Variants in CUBN observed in about 807,000 individuals in gnomAD.
The protein encoded by CUBN is 460 kDa receptor.
In CUBN, 282 loss-of-function variants were observed where a neutral mutation model predicts 405.3. That is an observed-to-expected ratio of 0.70 (90% CI 0.63 to 0.77). The LOEUF (loss-of-function observed/expected upper bound fraction) is 0.77, where lower values mean the gene tolerates loss of function less well. Ranked by LOEUF, CUBN falls within the 30% of genes least tolerant of loss-of-function variation. The pLI is 0.00. For missense variants in CUBN, 4,514 were observed against 4,475.2 expected, an observed-to-expected ratio of 1.01 and a Z score of -0.25; for synonymous variants, 1,684 against 1,617.0, an observed-to-expected ratio of 1.04 and a Z score of -0.99.
intron 28 of CUBN, among the ~76,000 whole-genome samples, chr10:16,996,817 C>T (rs1355639243): frequency 6.6e-6 from 1 of 152,158 alleles, no homozygotes; most frequent in Non-Finnish European, 1.5e-5. Flanking sequence ...TTGAAATACA[C>T]ATGGCTAAAG....
At chr10:16,859,073 T>C (rs1839943296) in intron 59 of CUBN, among the ~76,000 whole-genome samples, 1 of 152,212 alleles carries the variant, frequency 6.6e-6, no homozygotes, top group Admixed American at 6.5e-5. Context: ...CAAAGAATTC[T>C]TAGACTTGGT....
Position 17,084,403 on chromosome 10 carries a change from C to T in CUBN, c.2169G>A (p.Glu723=). Residue 723 remains glutamate (E), a synonymous_variant, in exon 17 of 67, where the codon GAG becomes GAA. Coordinates refer to ENST00000377833, the MANE Select transcript of CUBN (RefSeq NM_001081.4). The part of the protein sequence containing the change: ...TDPEGELFLP[E]LSGPFTHTRQ... ...TGGTGTGAGTGAAAGGCCCAGACAA[C>T]TCAGGCAAGAAGAGTTCACCCTCTG... 6.2e-7 allele frequency: 1 copy of T among 1,614,100 alleles called. No individual in the cohort carries two copies. Among genetic ancestry groups the T allele is most frequent in the South Asian group, 1.1e-5 (1 of 91,074 alleles).
chr10:16,912,918 G>A (rs1017273123), intron 48 of CUBN, among the ~76,000 whole-genome samples: 5 of 152,220 alleles, frequency 3.3e-5, no homozygotes, highest in African/African-American at 1.2e-4. Context: ...ATGCTGCTGT[G>A]TTGAGAACGT....
chr10:16,883,905 A>G (rs117901575), intron 56 of CUBN, among the ~76,000 whole-genome samples: 3,825 of 152,298 alleles, frequency 0.025, 67 homozygotes, highest in Non-Finnish European at 0.04. Context: ...TTAAATTGAG[A>G]ATTTCTAAAT....
Position 16,928,295 on chromosome 10 carries a change from T to G in CUBN, c.6133A>C (p.Asn2045His), listed in dbSNP as rs188111808. Reference protein sequence around the residue: ...DSLVIRDGDNNLAQQLAVLCG... With the variant: ...DSLVIRDGDNHLAQQLAVLCG... ...AGAACTGCTAGCTGCTGGGCCAAGTTATTATCTCCTACGTTGAAAGAAAGG... is the reference window on the plus strand; with the variant it reads ...AGAACTGCTAGCTGCTGGGCCAAGTGATTATCTCCTACGTTGAAAGAAAGG... The change falls in exon 41 of 67, where the codon AAC becomes CAC. Residue 2045 changes from asparagine (N) to histidine (H), a missense_variant. Transcript: ENST00000377833. 1.2e-6 allele frequency: 2 copies of G among 1,613,870 alleles called. No individual in the cohort carries two copies.
rs964811105 is a variant in CUBN, at chr10:17,094,619, T to A, written c.1765+5386A>T. Among the ~76,000 whole-genome samples, 3 of 152,038 alleles carry A rather than the reference T, an allele frequency of 2.0e-5. No homozygotes were observed. The South Asian group carries it at 6.2e-4, about 31-fold the overall frequency. ...GCATTTCTATACATTAACAACTAAC[T>A]GTACAAAAAGGAAATTAAGAAGAAA... On this transcript the variant is annotated intron_variant, in intron 14 of 66. Coordinates refer to ENST00000377833, the MANE Select transcript of CUBN (RefSeq NM_001081.4).
chr10:17,095,949 T>C (rs927460254), intron 14 of CUBN, among the ~76,000 whole-genome samples: 1 of 152,120 alleles, frequency 6.6e-6, no homozygotes, highest in Non-Finnish European at 1.5e-5. Flanking sequence ...GGATATTATT[T>C]ATCCTTAAAA....
intron 59 of CUBN, among the ~76,000 whole-genome samples, chr10:16,861,319 G>A (rs1291574565): frequency 6.6e-6 from 1 of 152,008 alleles, no homozygotes; most frequent in African/African-American, 2.4e-5. Context: ...GTGCCACCAA[G>A]CCTAGCTAAT....
At chr10:17,050,554 C>T (rs1320812912) in intron 22 of CUBN, among the ~76,000 whole-genome samples, 1 of 152,132 alleles carries the variant, frequency 6.6e-6, no homozygotes, top group Non-Finnish European at 1.5e-5. Context: ...CTTAGCTAAG[C>T]CTGGGCTGAG....
intron 43 of CUBN, among the ~76,000 whole-genome samples, chr10:16,922,744 T>C (rs1453680577): frequency 2.6e-5 from 4 of 152,184 alleles, no homozygotes; most frequent in African/African-American, 9.6e-5. Context: ...GCAAATCTCT[T>C]CATCCACTTC....
Position 17,110,931 on chromosome 10 carries a change from C to A in CUBN, c.1003G>T (p.Ala335Ser), listed in dbSNP as rs57335729. 6.2e-7 allele frequency: 1 copy of A among 1,614,190 alleles called. No individual in the cohort carries two copies. The change falls in exon 9 of 67, where the codon GCC becomes TCC. Residue 335 changes from alanine (A) to serine (S), a missense_variant. Around this residue, in one of 5 missense-constraint regions of CUBN, gnomAD observed 1,448 missense variants for 1,388.0 expected, o/e 1.04. Transcript: ENST00000377833. The part of the protein sequence containing the change: ...VNTPGSSHCQ[A>S]CPPGYQGDGR... ...ACCGAGGCAGCACCTGGTGGACAGG[C>A]CTGGCAGTGGGAAGACCCAGGTGTA...
intron 27 of CUBN, among the ~76,000 whole-genome samples, chr10:17,032,786 T>C (rs1564488320): frequency 6.6e-6 from 1 of 152,180 alleles, no homozygotes; most frequent in Non-Finnish European, 1.5e-5. Context: ...CCAATAGATG[T>C]TCATTAATCA....
At chr10:17,126,307 T>C (rs138895467) in intron 4 of CUBN, among the ~76,000 whole-genome samples, 1,590 of 152,338 alleles carry the variant, frequency 0.01, 14 homozygotes, top group Non-Finnish European at 0.016. Context: ...TGTAAGAAAC[T>C]GTTCAAGTTT....
In CUBN at chr10:17,123,598, G is replaced by T. The variant is rs757543454; in HGVS notation, c.479C>A (p.Pro160Gln). ...GAGTAGATGACTCACCTTCCACTGT[G>T]GGGGACAGATACAAAAAAAGGAATC... ...LHDSFFCICP[P>Q]QWKGPLCSAD... Residue 160 changes from proline to glutamine, a missense_variant, in exon 5 of 67, where the codon CCA (proline) becomes CAA (glutamine). This residue lies in a region of CUBN where 1,448 missense variants were observed against 1,388.0 expected (regional missense o/e 1.04). Coordinates refer to ENST00000377833, the MANE Select transcript of CUBN (RefSeq NM_001081.4). The T allele has an allele frequency of 3.1e-6, 5 of 1,612,518 alleles. No individual in the cohort carries two copies. In the African/African-American group the frequency reaches 4.0e-5, roughly 13 times the overall value.
intron 15 of CUBN, among the ~76,000 whole-genome samples, chr10:17,087,494 T>TTTTTTTTA (rs1836146346): frequency 6.9e-6 from 1 of 144,902 alleles, no homozygotes; most frequent in Non-Finnish European, 1.5e-5. Flanking sequence ...TTTTTTTTTT[T>TTTTTTTTA]AGACAGAGCC....
At chr10:17,115,115 G>T (rs77338790) in intron 7 of CUBN, among the ~76,000 whole-genome samples, 10,154 of 151,976 alleles carry the variant, frequency 0.067, 533 homozygotes, top group East Asian at 0.22. Context: ...ATGTTGGCAT[G>T]CTCCTGTAAT....
At chr10:17,060,987 T>G (rs1463422444) in intron 22 of CUBN, among the ~76,000 whole-genome samples, 1 of 152,134 alleles carries the variant, frequency 6.6e-6, no homozygotes, top group Admixed American at 6.5e-5. Flanking sequence ...AGGCAGAGGT[T>G]GCAGTGAGCT....
chr10:16,900,536 G>T, intron 53 of CUBN, 89 bp downstream of exon 53: 3 of 1,032,370 alleles, frequency 2.9e-6, no homozygotes, highest in Non-Finnish European at 4.6e-6. Context: ...AACTAAGCCT[G>T]ATGTAAAGTA....
At position 16,990,376 on chromosome 10, in the gene CUBN, G is replaced by A. The variant is rs762677124; in HGVS notation, c.4308C>T (p.Phe1436=). 1.2e-5 allele frequency: 19 copies of A among 1,613,946 alleles called. No individual in the cohort carries two copies. Among genetic ancestry groups the A allele is most frequent in the African/African-American group, 2.7e-5 (2 of 74,868 alleles). Residue 1436 remains phenylalanine, a synonymous_variant, in exon 29 of 67, where the codon TTC becomes TTT. Transcript: ENST00000377833. ...GSSIQLTIHD[F]DVEYHSRCNF... is the part of the protein sequence containing the mutation. ...TGCACCTTGAATGATACTCCACATC[G>A]AAGTCATGGATGGTGAGCTGAATGC... is the stretch of plus-strand genomic sequence containing the variant.
Sources: gnomAD v4.1 joint callset for allele counts (sites outside exome capture counted in the v4.1 genomes callset) on GRCh38, gnomAD v4.1.1 for gene constraint, gnomAD v4.1.1 regional missense constraint, MANE v1.5 for transcripts, NCBI Gene and HGNC (gene_info 2026-07-23, HGNC 2026-07-21) for gene names.